The following ROR1 variants were observed in gnomAD, a reference collection of about 807,000 sequenced individuals.
ROR1 encodes the protein ROR family WNT receptor 1.
ROR1 carries 19 observed loss-of-function variants against 78.8 expected under a neutral mutation model. The observed-to-expected ratio is 0.24, with a 90% CI of 0.17 to 0.35. The LOEUF (loss-of-function observed/expected upper bound fraction) is 0.35, where lower values mean the gene tolerates loss of function less well. Among genes scored for constraint, ROR1 ranks in the 10% least tolerant of loss-of-function variants. The pLI is 1.00. For synonymous variants in ROR1, 386 were observed against 433.6 expected, an observed-to-expected ratio of 0.89 and a Z score of 1.36; for missense variants, 917 against 1,177.8, an observed-to-expected ratio of 0.78 and a Z score of 3.24.
chr1:63,979,425 G>A (rs1347641196), intron 1 of ROR1, among the ~76,000 whole-genome samples: 1 of 152,158 alleles, frequency 6.6e-6, no homozygotes, highest in African/African-American at 2.4e-5. Flanking sequence ...AGGGTAAGGG[G>A]AGAGAATGAT....
chr1:63,874,209 T>C (rs745796807), intron 1 of ROR1, among the ~76,000 whole-genome samples: 3 of 152,226 alleles, frequency 2.0e-5, no homozygotes, highest in Non-Finnish European at 4.4e-5. Flanking sequence ...ATTACTCTCT[T>C]GTTTTAGAAC....
chr1:63,928,779 T>A (rs1162482639), intron 1 of ROR1, among the ~76,000 whole-genome samples: 3 of 152,208 alleles, frequency 2.0e-5, no homozygotes, highest in Non-Finnish European at 4.4e-5. Context: ...ATAAATGGGT[T>A]AATACAAATA....
Position 63,972,581 on chromosome 1 carries a change from G to T in ROR1, c.92-36724G>T, listed in dbSNP as rs553889510. Among the ~76,000 whole-genome samples the T allele has an allele frequency of 4.6e-5, 7 of 152,296 alleles. No individual in the cohort carries two copies. The South Asian group carries it at 1.4e-3, about 32-fold the overall frequency. On this transcript the variant is annotated intron_variant, in intron 1 of 8. Transcript: ENST00000371079. ...AAACATAGATATTTGTGGAAGAAAA[G>T]AAGGAAAGAAGGGATGTGGACATTT...
intron 1 of ROR1, among the ~76,000 whole-genome samples, chr1:63,941,604 T>C (rs1007922898): frequency 6.6e-6 from 1 of 152,168 alleles, no homozygotes; most frequent in Non-Finnish European, 1.5e-5. Flanking sequence ...TAACATAATA[T>C]CAGTTCTTTT....
chr1:63,776,343 T>C (rs2100213939), intron 1 of ROR1, among the ~76,000 whole-genome samples: 1 of 152,246 alleles, frequency 6.6e-6, no homozygotes, highest in African/African-American at 2.4e-5. Context: ...TTAGAGTTGT[T>C]TAAAAAAGGT....
intron 4 of ROR1, among the ~76,000 whole-genome samples, chr1:64,067,139 C>T (rs890780133): frequency 9.2e-5 from 14 of 151,782 alleles, no homozygotes; most frequent in African/African-American, 3.1e-4. Context: ...CACTTGAGCC[C>T]AGGAGTTGGA....
intron 4 of ROR1, among the ~76,000 whole-genome samples, chr1:64,073,377 A>G (rs1261912098): frequency 1.3e-5 from 2 of 152,162 alleles, no homozygotes; most frequent in African/African-American, 4.8e-5. Context: ...ATGCAAGTGT[A>G]AGGCTTTGAA....
At chr1:64,159,478 C>A (rs1359220029) in intron 8 of ROR1, among the ~76,000 whole-genome samples, 1 of 152,124 alleles carries the variant, frequency 6.6e-6, no homozygotes, top group Non-Finnish European at 1.5e-5. Flanking sequence ...CCCGTCAGGA[C>A]TCAGAACGTG....
At chr1:64,073,316 C>T (rs965571671) in intron 4 of ROR1, among the ~76,000 whole-genome samples, 8 of 152,110 alleles carry the variant, frequency 5.3e-5, no homozygotes, top group African/African-American at 9.7e-5. Context: ...CTCTGTGTGC[C>T]CCTTCCTGCT....
intron 4 of ROR1, among the ~76,000 whole-genome samples, chr1:64,111,660 T>C (rs187957060): frequency 6.6e-6 from 1 of 152,328 alleles, no homozygotes; most frequent in Non-Finnish European, 1.5e-5. Context: ...AAGATAGCCT[T>C]GGGCTATTCA....
At chr1:64,098,656 T>A (rs1054104824) in intron 4 of ROR1, among the ~76,000 whole-genome samples, 2 of 152,144 alleles carry the variant, frequency 1.3e-5, no homozygotes, top group African/African-American at 4.8e-5. Context: ...TTCCAGGGCT[T>A]TGGGATTCTT....
chr1:63,801,023 A>C (rs180907011), intron 1 of ROR1, among the ~76,000 whole-genome samples: 56 of 152,206 alleles, frequency 3.7e-4, no homozygotes, highest in Non-Finnish European at 1.5e-5. Flanking sequence ...TATAGTAGGA[A>C]CTTAATAAAT....
chr1:64,068,260 T>C (rs1394310479), intron 4 of ROR1, among the ~76,000 whole-genome samples: 2 of 152,204 alleles, frequency 1.3e-5, no homozygotes, highest in Non-Finnish European at 2.9e-5. Context: ...ACAATAAGCT[T>C]TTCCTTTTCC....
chr1:64,027,717 C>G (rs1250830918), intron 2 of ROR1, among the ~76,000 whole-genome samples: 3 of 149,776 alleles, frequency 2.0e-5, no homozygotes, highest in Admixed American at 1.3e-4. Flanking sequence ...TTGAAAGAGT[C>G]TCACTCTGTT....
At chr1:63,788,330 A>G (rs1644704589) in intron 1 of ROR1, among the ~76,000 whole-genome samples, 1 of 152,142 alleles carries the variant, frequency 6.6e-6, no homozygotes, top group Non-Finnish European at 1.5e-5. Flanking sequence ...TTCAGAGATA[A>G]CTTCTGATTG....
rs1008837291 is a variant in ROR1, at chr1:64,078,784, T to C, written c.482+28068T>C. 4.6e-5 allele frequency among the ~76,000 whole-genome samples: 7 copies of C among 152,284 alleles called. No individual in the cohort carries two copies. In the South Asian group the frequency reaches 8.3e-4, roughly 18 times the overall value. ...TACGATCTTAAGAGTTGTACCTGCA[T>C]GACGCCTGATGTCTCTGAGGTTAAA... On this transcript the variant is annotated intron_variant, in intron 4 of 8. Coordinates refer to ENST00000371079, the MANE Select transcript of ROR1 (RefSeq NM_005012.4).
Position 64,042,166 on chromosome 1 carries a change from T to C in ROR1, c.164-7525T>C, listed in dbSNP as rs116173652. 3.7e-3 allele frequency among the ~76,000 whole-genome samples: 565 copies of C among 152,262 alleles called. 6 individuals carry two copies. Among genetic ancestry groups the C allele is most frequent in the African/African-American group, 0.013 (537 of 41,550 alleles). ...GTTACTGTAGCCAGGTGTTCTCTTA[T>C]TCACTACACAGGAGAATCATTTGGA... is the stretch of plus-strand genomic sequence containing the variant. On this transcript the variant is annotated intron_variant, in intron 2 of 8. Transcript: ENST00000371079.
intron 1 of ROR1, among the ~76,000 whole-genome samples, chr1:63,897,665 A>G (rs1234619462): frequency 6.6e-6 from 1 of 152,160 alleles, no homozygotes; most frequent in Non-Finnish European, 1.5e-5. Flanking sequence ...AAGGGCAGAG[A>G]TATTTGTCTC....
intron 6 of ROR1, among the ~76,000 whole-genome samples, chr1:64,141,812 C>T (rs1339051113): frequency 6.6e-6 from 1 of 152,140 alleles, no homozygotes; most frequent in African/African-American, 2.4e-5. Flanking sequence ...CCTCCAAACT[C>T]CAGTTCAGTT....
Sources: allele counts gnomAD v4.1 joint callset (sites outside exome capture counted in the v4.1 genomes callset), GRCh38; gene constraint gnomAD v4.1.1; transcripts MANE v1.5; gene names NCBI Gene and HGNC (gene_info 2026-07-23, HGNC 2026-07-21).